Variants in PIGU observed in about 807,000 individuals in gnomAD.
PIGU encodes GPI-anchor transamidase component PIGU.
Under a neutral mutation model 49.9 loss-of-function variants are expected in PIGU, and 24 were observed. The ratio of observed to expected loss-of-function variants is 0.48; its 90% CI spans 0.35 to 0.68. PIGU has a LOEUF of 0.68. Among genes scored for constraint, PIGU ranks in the 30% least tolerant of loss-of-function variants. The pLI is 0.01. For synonymous variants in PIGU, 220 were observed against 205.7 expected, an observed-to-expected ratio of 1.07 and a Z score of -0.59; for missense variants, 490 against 532.6, an observed-to-expected ratio of 0.92 and a Z score of 0.79.
At chr20:34,599,426 C>T (rs1984327589) in intron 7 of PIGU, among the ~76,000 whole-genome samples, 2 of 152,132 alleles carry the variant, frequency 1.3e-5, no homozygotes, top group Admixed American at 6.5e-5. Context: ...ACGCTCCAGC[C>T]TGGGCAACAG....
At position 34,662,787 on chromosome 20, in the gene PIGU, A is replaced by G. The variant is rs139003770; in HGVS notation, c.131-5543T>C. 4.4e-4 allele frequency among the ~76,000 whole-genome samples: 67 copies of G among 152,368 alleles called. 1 individual carries two copies. In the East Asian group the frequency reaches 0.013, roughly 29 times the overall value. ...AATGCCTGGAAAAATAAATATTTAA[A>G]TGTTCACAATGACCATTTCTAGGTG... is the stretch of plus-strand genomic sequence containing the variant. On this transcript the variant is annotated intron_variant, in intron 1 of 11. Transcript: ENST00000217446.
chr20:34,585,233 AC>A (rs1312835309), intron 9 of PIGU, among the ~76,000 whole-genome samples: 1 of 152,206 alleles, frequency 6.6e-6, no homozygotes, highest in Non-Finnish European at 1.5e-5. Flanking sequence ...GCTCCAAAGC[AC>A]CCTCACTGCA....
At chr20:34,645,440 T>C in intron 2 of PIGU, 106 bp from the exon 3 acceptor site, 2 of 1,338,688 alleles carry the variant, frequency 1.5e-6, no homozygotes, top group Non-Finnish European at 1.9e-6. Flanking sequence ...CAAACTATTA[T>C]GCTAGTATTC....
At chr20:34,669,472 G>GCCTGACCAA (rs748715627) in intron 1 of PIGU, among the ~76,000 whole-genome samples, 99 of 152,188 alleles carry the variant, frequency 6.5e-4, no homozygotes, top group Admixed American at 1.2e-3. Context: ...TTCAAGACCA[G>GCCTGACCAA]CCTGACCAAC....
chr20:34,575,055 G>C (rs776250459), intron 11 of PIGU, 49 bp downstream of exon 11: 1 of 1,602,850 alleles, frequency 6.2e-7, no homozygotes, highest in Non-Finnish European at 8.5e-7. Flanking sequence ...GCTTGAGGCT[G>C]CAAAATGAAT....
intron 1 of PIGU, among the ~76,000 whole-genome samples, 188 bp downstream of exon 1, chr20:34,676,767 GC>G (rs1987514917): frequency 6.7e-6 from 1 of 149,834 alleles, no homozygotes; most frequent in South Asian, 2.1e-4. Context: ...CTGTCCCCAC[GC>G]CCCGGTCCCC....
chr20:34,587,153 A>C (rs1983730094), intron 8 of PIGU, among the ~76,000 whole-genome samples: 1 of 152,138 alleles, frequency 6.6e-6, no homozygotes, highest in Non-Finnish European at 1.5e-5. Context: ...CAAATTGTTG[A>C]TCCCTCCCCA....
chr20:34,662,830 G>C (rs984144976), intron 1 of PIGU, among the ~76,000 whole-genome samples: 2 of 152,168 alleles, frequency 1.3e-5, no homozygotes, highest in East Asian at 3.8e-4. Context: ...TACAGAAGAT[G>C]CTTGATTTTT....
chr20:34,665,364 C>T (rs1283013697), intron 1 of PIGU, among the ~76,000 whole-genome samples: 2 of 150,820 alleles, frequency 1.3e-5, no homozygotes, highest in East Asian at 1.9e-4. Flanking sequence ...CTACCACGCC[C>T]GGCTAATTTT....
At chr20:34,566,015 C>T (rs1982747800) in intron 11 of PIGU, among the ~76,000 whole-genome samples, 1 of 152,018 alleles carries the variant, frequency 6.6e-6, no homozygotes, top group Admixed American at 6.6e-5. Context: ...GACACACATG[C>T]TCACACACAC....
At chr20:34,633,728 C>A (rs112027713) in intron 6 of PIGU, among the ~76,000 whole-genome samples, 3 of 151,926 alleles carry the variant, frequency 2.0e-5, no homozygotes, top group Admixed American at 2.0e-4. Flanking sequence ...CCACCACACC[C>A]GGCTAATTTT....
At chr20:34,633,851 G>A (rs987816027) in intron 6 of PIGU, among the ~76,000 whole-genome samples, 1 of 152,130 alleles carries the variant, frequency 6.6e-6, no homozygotes, top group Non-Finnish European at 1.5e-5. Flanking sequence ...ATAGGAGTGA[G>A]CCACTGCACC....
chr20:34,581,746 TC>T, intron 9 of PIGU, 74 bp from the exon 10 acceptor site: 1 of 1,531,986 alleles, frequency 6.5e-7, no homozygotes, highest in Non-Finnish European at 8.9e-7. Context: ...CCTGACTCCA[TC>T]CTTTGAACCA....
intron 9 of PIGU, 22 bp downstream of exon 9, chr20:34,585,415 A>G (rs749561481): frequency 6.2e-7 from 1 of 1,613,244 alleles, no homozygotes. Context: ...TACACACAGC[A>G]GCAGCAGGTC....
At chr20:34,586,003 TCCACACC>T (rs1175699433) in intron 8 of PIGU, among the ~76,000 whole-genome samples, 1 of 151,998 alleles carries the variant, frequency 6.6e-6, no homozygotes, top group Non-Finnish European at 1.5e-5. Context: ...CCATTCTTAC[TCCACACC>T]CCACAGCAGG....
chr20:34,615,809 G>C (rs551390561), intron 7 of PIGU, among the ~76,000 whole-genome samples: 15 of 152,260 alleles, frequency 9.9e-5, no homozygotes, highest in African/African-American at 3.6e-4. Flanking sequence ...GCCTCCATTA[G>C]GGGCTTTAGA....
At chr20:34,672,031 C>T (rs754158391) in intron 1 of PIGU, among the ~76,000 whole-genome samples, 15 of 152,152 alleles carry the variant, frequency 9.9e-5, no homozygotes, top group African/African-American at 1.7e-4. Context: ...CTCTGCCTCC[C>T]GGGCCCATGC....
rs200407869 is a variant in PIGU at position 34,664,693 on chromosome 20, CA to C, written c.131-7450del. Among the ~76,000 whole-genome samples, 1,243 of 150,930 alleles carry C rather than the reference CA, an allele frequency of 8.2e-3. 25 individuals carry two copies. Among genetic ancestry groups the C allele is most frequent in the African/African-American group, 0.029 (1,203 of 41,062 alleles). ...CAAAGCATAAAAAATAAAAAACCAA[CA>C]AAAAAAAGTATATGGCTGGGCATGG... On this transcript the variant is annotated intron_variant, in intron 1 of 11. Coordinates refer to ENST00000217446, the MANE Select transcript of PIGU (RefSeq NM_080476.5).
At chr20:34,645,138 A>C in intron 3 of PIGU, 137 bp downstream of exon 3, 1 of 921,740 alleles carries the variant, frequency 1.1e-6, no homozygotes. Context: ...AGGACCACTT[A>C]AGTCCAGGAG....
Sources: gnomAD v4.1 joint callset for allele counts (sites outside exome capture counted in the v4.1 genomes callset) on GRCh38, gnomAD v4.1.1 for gene constraint, MANE v1.5 for transcripts, NCBI Gene and HGNC (gene_info 2026-07-23, HGNC 2026-07-21) for gene names.